The following WASF2 variants were observed in gnomAD, a reference collection of about 807,000 sequenced individuals.
WASF2 encodes the protein WASP family member 2.
WASF2 carries 14 observed loss-of-function variants against 45.0 expected under a neutral mutation model. The observed-to-expected ratio is 0.31, with a 90% confidence interval of 0.21 to 0.49. The LOEUF (loss-of-function observed/expected upper bound fraction) is 0.49, where lower values mean the gene tolerates loss of function less well. Ranked by LOEUF, WASF2 falls within the 20% of genes least tolerant of loss-of-function variation. WASF2 has a pLI of 0.99. For missense variants in WASF2, 439 were observed against 636.1 expected (o/e 0.69, Z 3.33); for synonymous variants, 200 against 236.3 (o/e 0.85, Z 1.41).
intron 8 of WASF2, among the ~76,000 whole-genome samples, chr1:27,409,428 CAAAAAAAAAA>C (rs60940665): frequency 3.9e-4 from 17 of 43,688 alleles, no homozygotes; most frequent in South Asian, 3.4e-3. Flanking sequence ...CTGTCCCCCA[CAAAAAAAAAA>C]AAAAAAAAAA....
intron 1 of WASF2, among the ~76,000 whole-genome samples, chr1:27,471,840 C>G (rs2017692963): frequency 6.6e-6 from 1 of 152,146 alleles, no homozygotes; most frequent in Non-Finnish European, 1.5e-5. Flanking sequence ...AAATTCAACC[C>G]ATCAACAAGC....
rs915608693 is a variant in WASF2, at chr1:27,407,245, T to C, written c.*944A>G. The C allele has an allele frequency of 6.5e-6, 1 of 152,738 alleles. No homozygotes were observed. Among genetic ancestry groups the C allele is most frequent in the African/African-American group, 2.4e-5 (1 of 41,474 alleles). The allele number at this position is 152,738 out of a possible 1,614,324, so 9.5% of individuals were successfully genotyped here. A position where few individuals can be genotyped will look rare whatever the true frequency, so the allele number is the denominator to read the frequency against. ...ACTTGGAATCAGGAACTCTGCGCTC[T>C]AGCTATGTCACTATCCAATTGTGTG... On this transcript the variant is annotated 3_prime_UTR_variant, in exon 9 of 9. Transcript: ENST00000618852.
At chr1:27,459,776 C>T (rs1396726920) in intron 1 of WASF2, among the ~76,000 whole-genome samples, 1 of 152,158 alleles carries the variant, frequency 6.6e-6, no homozygotes, top group Non-Finnish European at 1.5e-5. Flanking sequence ...CCTTGCCTGT[C>T]CCACCCCCTA....
At chr1:27,418,506 C>T in intron 3 of WASF2, 84 bp from the exon 4 acceptor site, 1 of 1,573,452 alleles carries the variant, frequency 6.4e-7, no homozygotes, top group Non-Finnish European at 8.7e-7. Context: ...GAGGCCTCAG[C>T]TGCTGCACTT....
At chr1:27,418,915 C>A in intron 3 of WASF2, 39 bp downstream of exon 3, 1 of 1,585,938 alleles carries the variant, frequency 6.3e-7, no homozygotes, top group Non-Finnish European at 8.6e-7. Context: ...TACAAAACTG[C>A]TCAGCAGAGC....
Position 27,490,029 on chromosome 1 carries a change from G to C in WASF2, c.-87C>G, listed in dbSNP as rs533647960. The C allele has an allele frequency of 6.6e-6, 1 of 152,290 alleles. No individual in the cohort carries two copies. Among genetic ancestry groups the C allele is most frequent in the Non-Finnish European group, 1.5e-5 (1 of 68,110 alleles). The allele number at this position is 152,290 out of a possible 1,614,324, so 9.4% of individuals were successfully genotyped here. A position where few individuals can be genotyped will look rare whatever the true frequency, so the allele number is the denominator to read the frequency against. Reference sequence around the variant, plus strand: ...CGTCAGCGACAGGAAGGGTCGGCCGGCCGCCCAGTCTCCGCACAGAGTGTG... The same window carrying C: ...CGTCAGCGACAGGAAGGGTCGGCCGCCCGCCCAGTCTCCGCACAGAGTGTG... On this transcript the variant is annotated 5_prime_UTR_variant, in exon 1 of 9. Transcript: ENST00000618852.
chr1:27,476,630 A>T (rs1484121682), intron 1 of WASF2, among the ~76,000 whole-genome samples: 1 of 152,230 alleles, frequency 6.6e-6, no homozygotes, highest in East Asian at 1.9e-4. Flanking sequence ...AAAAGAGCAA[A>T]TAAGTAGACT....
intron 1 of WASF2, among the ~76,000 whole-genome samples, chr1:27,479,868 A>C (rs1406109623): frequency 1.3e-5 from 2 of 152,218 alleles, no homozygotes; most frequent in Non-Finnish European, 2.9e-5. Context: ...CCGTCTCAAA[A>C]AAACAAACAA....
intron 1 of WASF2, among the ~76,000 whole-genome samples, chr1:27,450,418 T>TA (rs2017368794): frequency 6.6e-6 from 1 of 152,190 alleles, no homozygotes; most frequent in Non-Finnish European, 1.5e-5. Context: ...CCAAACCAGC[T>TA]TCTTGTCTTC....
intron 1 of WASF2, among the ~76,000 whole-genome samples, chr1:27,477,443 G>A (rs1034895492): frequency 1.3e-5 from 2 of 152,140 alleles, no homozygotes; most frequent in African/African-American, 4.8e-5. Context: ...GATAGGCTGA[G>A]GCAGAAGAAT....
chr1:27,421,542 G>A (rs941512514), intron 2 of WASF2, among the ~76,000 whole-genome samples: 4 of 152,128 alleles, frequency 2.6e-5, no homozygotes, highest in East Asian at 1.9e-4. Flanking sequence ...TAGGCCAGGC[G>A]TGGTGGCTCA....
intron 1 of WASF2, among the ~76,000 whole-genome samples, chr1:27,488,333 A>G (rs924562284): frequency 2.6e-5 from 4 of 152,182 alleles, no homozygotes; most frequent in African/African-American, 9.7e-5. Flanking sequence ...AGAAGTCAAA[A>G]AACAGGTTGC....
chr1:27,413,800 T>C (rs2016794956), intron 6 of WASF2, among the ~76,000 whole-genome samples: 1 of 152,188 alleles, frequency 6.6e-6, no homozygotes, highest in Non-Finnish European at 1.5e-5. Flanking sequence ...CTGAACAGGA[T>C]TGGTCCGTGG....
At chr1:27,489,418 G>A (rs1203611649) in intron 1 of WASF2, among the ~76,000 whole-genome samples, 13 of 107,160 alleles carry the variant, frequency 1.2e-4, no homozygotes, top group Non-Finnish European at 1.9e-4. Flanking sequence ...AGCAGGCCGG[G>A]GCCTCAACGA....
rs1318900940 is a variant in WASF2, at chr1:27,419,057, G to A, written c.162C>T (p.Leu54=). The A allele has an allele frequency of 1.2e-6, 2 of 1,613,934 alleles. No individual in the cohort carries two copies. Among genetic ancestry groups the A allele is most frequent in the African/African-American group, 2.7e-5 (2 of 74,868 alleles). Residue 54 remains leucine (L), a synonymous_variant, in exon 3 of 9, where the codon CTC becomes CTT. Coordinates refer to ENST00000618852, the MANE Select transcript of WASF2 (RefSeq NM_006990.5). ...AGGCAAAGGTATTTGCCTGAGTAAA[G>A]AGCTCTCCAAAAATGTCCTCTGCAT... The part of the protein sequence containing the change: ...SKYAEDIFGE[L]FTQANTFASR...
intron 5 of WASF2, among the ~76,000 whole-genome samples, chr1:27,415,345 T>C (rs1571121036): frequency 6.6e-6 from 1 of 152,162 alleles, no homozygotes. Context: ...CTGGGGCACA[T>C]ATAAGGAAAT....
intron 1 of WASF2, among the ~76,000 whole-genome samples, chr1:27,436,519 G>T (rs2017140680): frequency 6.6e-6 from 1 of 152,156 alleles, no homozygotes; most frequent in Admixed American, 6.5e-5. Context: ...ATTTCAGTTG[G>T]AAAGTCGAAT....
chr1:27,454,335 C>T (rs961809284), intron 1 of WASF2, among the ~76,000 whole-genome samples: 1 of 150,382 alleles, frequency 6.6e-6, no homozygotes, highest in Non-Finnish European at 1.5e-5. Context: ...GGACCACAAG[C>T]GTGTGCCACC....
intron 1 of WASF2, among the ~76,000 whole-genome samples, chr1:27,435,602 C>T (rs577144925): frequency 1.4e-4 from 18 of 130,300 alleles, no homozygotes; most frequent in Admixed American, 2.7e-4. Flanking sequence ...TTTCTGAACT[C>T]TCATGACTGC....
Sources: allele counts gnomAD v4.1 joint callset (sites outside exome capture counted in the v4.1 genomes callset), GRCh38; gene constraint gnomAD v4.1.1; transcripts MANE v1.5; gene names NCBI Gene and HGNC (gene_info 2026-07-23, HGNC 2026-07-21).